The following ALMS1 variants were observed in gnomAD, a reference collection of about 807,000 sequenced individuals.
ALMS1 encodes centrosome-associated protein ALMS1.
A neutral mutation model predicts 352.2 loss-of-function variants in ALMS1; 271 were observed. That is an observed-to-expected ratio of 0.77 (90% CI 0.70 to 0.85). The LOEUF is 0.85. Among genes scored for constraint, ALMS1 ranks in the 40% least tolerant of loss-of-function variants. The pLI, the probability that ALMS1 is intolerant of heterozygous loss-of-function variation, is 0.00. For missense variants in ALMS1, 5,445 were observed against 4,870.7 expected, an observed-to-expected ratio of 1.12 and a Z score of -3.51; for synonymous variants, 1,865 against 1,761.2, an observed-to-expected ratio of 1.06 and a Z score of -1.48.
chr2:73,596,591 C>A (rs961839040), intron 16 of ALMS1, among the ~76,000 whole-genome samples: 1 of 151,894 alleles, frequency 6.6e-6, no homozygotes, highest in Non-Finnish European at 1.5e-5. Context: ...TCTGCTTCAG[C>A]CTTCCGAGTA....
At chr2:73,560,411 C>G (rs1341792061) in intron 15 of ALMS1, among the ~76,000 whole-genome samples, 1 of 152,038 alleles carries the variant, frequency 6.6e-6, no homozygotes, top group Non-Finnish European at 1.5e-5. Context: ...CGTGAGGATG[C>G]AAGGAAATTG....
intron 9 of ALMS1, 94 bp downstream of exon 9, chr2:73,455,389 A>G (rs1339091600): frequency 1.3e-6 from 2 of 1,529,188 alleles, no homozygotes; most frequent in Admixed American, 1.8e-5. Context: ...AGTTGCTGAT[A>G]ATATTTGGCT....
At chr2:73,578,040 T>C (rs1333750081) in intron 16 of ALMS1, among the ~76,000 whole-genome samples, 1 of 152,160 alleles carries the variant, frequency 6.6e-6, no homozygotes, top group Non-Finnish European at 1.5e-5. Context: ...AGTTTTTTGC[T>C]TCATATATTT....
chr2:73,602,279 G>A lies in ALMS1; in HGVS notation c.12209G>A (p.Ser4070Asn), dbSNP rs1675712340. The A allele has an allele frequency of 6.2e-7, 1 of 1,614,124 alleles. No individual in the cohort carries two copies. Among genetic ancestry groups the A allele is most frequent in the African/African-American group, 1.3e-5 (1 of 74,940 alleles). Reference protein sequence around the residue: ...KLIVQERKLQSMLQTERDALF... With the variant: ...KLIVQERKLQNMLQTERDALF... ...ATAGTCCAGGAGAGGAAGCTGCAGA[G>A]CATGTTACAGACCGAGCGGGATGCA... is the stretch of plus-strand genomic sequence containing the variant. The change falls in exon 20 of 23, where the codon AGC (serine) becomes AAC (asparagine). Residue 4070 changes from serine to asparagine, a missense_variant. Coordinates refer to ENST00000613296, the MANE Select transcript of ALMS1 (RefSeq NM_001378454.1).
intron 20 of ALMS1, among the ~76,000 whole-genome samples, chr2:73,602,923 A>G (rs536135349): frequency 1.7e-4 from 26 of 152,366 alleles, no homozygotes; most frequent in African/African-American, 1.2e-4. Context: ...AACAATTATG[A>G]TAAGCAGATC....
At chr2:73,546,783 A>G (rs747345257) in intron 12 of ALMS1, among the ~76,000 whole-genome samples, 3 of 152,208 alleles carry the variant, frequency 2.0e-5, no homozygotes, top group African/African-American at 4.8e-5. Flanking sequence ...AGCTTGATGC[A>G]TTTGACAAAT....
rs954833756 is a variant in ALMS1, at chr2:73,426,159, C to T, written c.1238-294C>T. ...TTTTACAAGATTTAAAGCAGCCAAC[C>T]TTTGAAGAAGTTGCAGATTACTCAA... is the stretch of plus-strand genomic sequence containing the variant. On this transcript the variant is annotated intron_variant, in intron 5 of 22. Transcript: ENST00000613296. Among the ~76,000 whole-genome samples, 13 of 152,246 alleles carry T rather than the reference C, an allele frequency of 8.5e-5. 1 individual carries two copies. Among genetic ancestry groups the T allele is most frequent in the African/African-American group, 3.1e-4 (13 of 41,560 alleles).
intron 16 of ALMS1, among the ~76,000 whole-genome samples, chr2:73,580,187 T>C (rs1017264792): frequency 6.6e-6 from 1 of 152,208 alleles, no homozygotes; most frequent in African/African-American, 2.4e-5. Flanking sequence ...AAGAAATCTT[T>C]CTGCCTCAGC....
At chr2:73,404,403 A>T (rs542996708) in intron 1 of ALMS1, among the ~76,000 whole-genome samples, 5 of 151,396 alleles carry the variant, frequency 3.3e-5, no homozygotes, top group African/African-American at 1.2e-4. Flanking sequence ...TGAGTATGAT[A>T]TGAGCTGTGG....
At chr2:73,460,036 T>C (rs1371471475) in intron 9 of ALMS1, among the ~76,000 whole-genome samples, 5 of 152,076 alleles carry the variant, frequency 3.3e-5, no homozygotes, top group African/African-American at 1.2e-4. Context: ...TACTACAGGG[T>C]TATTCTAGCC....
intron 10 of ALMS1, among the ~76,000 whole-genome samples, chr2:73,493,855 T>C (rs1026556974): frequency 6.6e-6 from 1 of 152,252 alleles, no homozygotes; most frequent in Non-Finnish European, 1.5e-5. Context: ...GTTTCTGTAT[T>C]ATCTATTGCT....
intron 16 of ALMS1, among the ~76,000 whole-genome samples, chr2:73,577,798 A>C (rs1341823404): frequency 6.6e-6 from 1 of 152,106 alleles, no homozygotes; most frequent in Non-Finnish European, 1.5e-5. Context: ...TTCATTTATG[A>C]CCTTGCATAT....
chr2:73,391,180 T>G (rs766086945), intron 1 of ALMS1, among the ~76,000 whole-genome samples: 4 of 152,022 alleles, frequency 2.6e-5, no homozygotes, highest in Non-Finnish European at 4.4e-5. Flanking sequence ...CATAAGCAGG[T>G]TACAGTTTCA....
chr2:73,534,536 A>T (rs557108819), intron 11 of ALMS1, among the ~76,000 whole-genome samples: 1 of 152,056 alleles, frequency 6.6e-6, no homozygotes, highest in Non-Finnish European at 1.5e-5. Flanking sequence ...TTAAACCCCA[A>T]TTTCTCCTGT....
At chr2:73,602,732 C>G (rs1198465067) in intron 20 of ALMS1, among the ~76,000 whole-genome samples, 2 of 152,206 alleles carry the variant, frequency 1.3e-5, no homozygotes, top group African/African-American at 4.8e-5. Flanking sequence ...GTCCTTACAT[C>G]TTGCCCAGGC....
intron 2 of ALMS1, among the ~76,000 whole-genome samples, chr2:73,417,203 T>C (rs556787052): frequency 1.3e-5 from 2 of 152,248 alleles, no homozygotes; most frequent in South Asian, 4.1e-4. Context: ...AAAATAGATA[T>C]ATTCCTAGTA....
chr2:73,401,659 C>T (rs553404487), intron 1 of ALMS1, among the ~76,000 whole-genome samples: 3 of 148,652 alleles, frequency 2.0e-5, no homozygotes, highest in South Asian at 4.2e-4. Flanking sequence ...TTAACATATT[C>T]GTGATCTCAC....
In ALMS1 at chr2:73,415,022, T is replaced by A. The variant is rs570613954; in HGVS notation, c.451-4101T>A. The stretch of plus-strand genomic sequence containing the variant: ...ACCTCTGCTTGAAACGCTGGAATGT[T>A]CGCGGTCTCATCCAGATCCAGGACT... On this transcript the variant is annotated intron_variant, in intron 2 of 22. Transcript: ENST00000613296. 3.3e-5 allele frequency among the ~76,000 whole-genome samples: 5 copies of A among 152,278 alleles called. No homozygotes were observed. In the South Asian group the frequency reaches 1.0e-3, roughly 32 times the overall value.
chr2:73,543,263 G>A (rs939453888), intron 12 of ALMS1, among the ~76,000 whole-genome samples: 18 of 152,150 alleles, frequency 1.2e-4, no homozygotes, highest in African/African-American at 4.3e-4. Context: ...CAAGCAATGG[G>A]GAAAGGATTC....
Sources: gnomAD v4.1 joint callset for allele counts (sites outside exome capture counted in the v4.1 genomes callset) on GRCh38, gnomAD v4.1.1 for gene constraint, MANE v1.5 for transcripts, NCBI Gene and HGNC (gene_info 2026-07-23, HGNC 2026-07-21) for gene names.